The following RALGPS2 variants were observed in gnomAD, a reference collection of about 807,000 sequenced individuals.
RALGPS2 encodes Ral GEF with PH domain and SH3 binding motif 2.
RALGPS2 carries 43 observed loss-of-function variants against 86.8 expected under a neutral mutation model. The ratio of observed to expected loss-of-function variants is 0.50; its 90% CI spans 0.39 to 0.64. RALGPS2 has a LOEUF of 0.64. Among genes scored for constraint, RALGPS2 ranks in the 30% least tolerant of loss-of-function variants. The pLI is 0.00. For synonymous variants in RALGPS2, 243 were observed against 231.3 expected, an observed-to-expected ratio of 1.05 and a Z score of -0.46; for missense variants, 536 against 694.6, an observed-to-expected ratio of 0.77 and a Z score of 2.57.
intron 17 of RALGPS2, among the ~76,000 whole-genome samples, chr1:178,899,415 A>G (rs1183695216): frequency 2.0e-5 from 3 of 151,854 alleles, no homozygotes; most frequent in Non-Finnish European, 4.4e-5. Flanking sequence ...GATAGAGGGT[A>G]TAGAGACAGG....
chr1:178,841,114 A>G (rs1656583231), intron 8 of RALGPS2, among the ~76,000 whole-genome samples: 1 of 152,202 alleles, frequency 6.6e-6, no homozygotes, highest in Admixed American at 6.5e-5. Context: ...TATTCCAATC[A>G]ATAGAAAAAG....
At chr1:178,820,808 TATTA>T (rs1043593465) in intron 6 of RALGPS2, among the ~76,000 whole-genome samples, 3 of 152,192 alleles carry the variant, frequency 2.0e-5, no homozygotes, top group Non-Finnish European at 4.4e-5. Context: ...TGTTTTGTGT[TATTA>T]ATTTATTTTG....
intron 8 of RALGPS2, among the ~76,000 whole-genome samples, chr1:178,876,892 AATTT>A (rs1659029309): frequency 6.6e-6 from 1 of 152,166 alleles, no homozygotes; most frequent in African/African-American, 2.4e-5. Context: ...CCATTTCAGA[AATTT>A]ATTTGTTGAT....
chr1:178,731,323 C>G (rs113995842), intron 1 of RALGPS2, among the ~76,000 whole-genome samples: 3,881 of 125,274 alleles, frequency 0.031, 194 homozygotes, highest in African/African-American at 0.11. Flanking sequence ...TCCTCTGTCC[C>G]CCAGGCTGGA....
intron 1 of RALGPS2, among the ~76,000 whole-genome samples, chr1:178,745,730 A>G (rs568427206): frequency 6.6e-6 from 1 of 152,148 alleles, no homozygotes; most frequent in Non-Finnish European, 1.5e-5. Flanking sequence ...TTTTAGTTAC[A>G]ACACCAAAAG....
intron 8 of RALGPS2, among the ~76,000 whole-genome samples, chr1:178,839,679 A>G (rs890026752): frequency 2.0e-5 from 3 of 152,232 alleles, no homozygotes; most frequent in African/African-American, 4.8e-5. Context: ...CTAAATGTAA[A>G]TGGGCTAAAT....
intron 8 of RALGPS2, among the ~76,000 whole-genome samples, chr1:178,875,222 ACAGGATACC>A (rs1483025319): frequency 2.6e-5 from 4 of 152,208 alleles, no homozygotes; most frequent in African/African-American, 9.7e-5. Context: ...TGCACTGGAG[ACAGGATACC>A]CAGTAATCTT....
At chr1:178,846,004 C>T (rs1406826835) in intron 8 of RALGPS2, among the ~76,000 whole-genome samples, 2 of 152,028 alleles carry the variant, frequency 1.3e-5, no homozygotes, top group Non-Finnish European at 2.9e-5. Context: ...GGTTTTCAGT[C>T]GTTTTTGCAT....
At chr1:178,854,960 A>C (rs1657430065) in intron 8 of RALGPS2, among the ~76,000 whole-genome samples, 1 of 152,132 alleles carries the variant, frequency 6.6e-6, no homozygotes, top group Non-Finnish European at 1.5e-5. Flanking sequence ...AACATGCAAA[A>C]TATATTAATG....
chr1:178,765,736 A>G (rs1652472485), intron 1 of RALGPS2, among the ~76,000 whole-genome samples: 1 of 152,196 alleles, frequency 6.6e-6, no homozygotes, highest in African/African-American at 2.4e-5. Context: ...ACATTCCCAA[A>G]GCGGCCATTT....
At chr1:178,902,634 A>C (rs1572467644) in intron 18 of RALGPS2, among the ~76,000 whole-genome samples, 1 of 151,224 alleles carries the variant, frequency 6.6e-6, no homozygotes, top group South Asian at 2.1e-4. Context: ...TGTTATTCTT[A>C]AGTTCTGAAA....
intron 4 of RALGPS2, among the ~76,000 whole-genome samples, chr1:178,799,382 A>G (rs983643730): frequency 1.3e-5 from 2 of 151,950 alleles, no homozygotes; most frequent in Non-Finnish European, 2.9e-5. Flanking sequence ...GAAAAAAAAA[A>G]TGCCACAAAG....
chr1:178,860,105 T>C (rs186154394), intron 8 of RALGPS2, among the ~76,000 whole-genome samples: 1 of 152,232 alleles, frequency 6.6e-6, no homozygotes, highest in Admixed American at 6.5e-5. Flanking sequence ...CTTTTACACA[T>C]GGTGAAGGAA....
intron 1 of RALGPS2, among the ~76,000 whole-genome samples, chr1:178,739,603 G>T (rs1456057561): frequency 6.6e-6 from 1 of 152,214 alleles, no homozygotes; most frequent in Non-Finnish European, 1.5e-5. Flanking sequence ...CAGTACCTTT[G>T]ATGAGGTGGG....
At chr1:178,908,578 C>T (rs780762625) in intron 19 of RALGPS2, among the ~76,000 whole-genome samples, 10 of 152,120 alleles carry the variant, frequency 6.6e-5, no homozygotes, top group Non-Finnish European at 1.3e-4. Context: ...GCAACCTTGC[C>T]AACATCTGTT....
intron 8 of RALGPS2, among the ~76,000 whole-genome samples, chr1:178,841,001 A>G (rs1047961114): frequency 9.9e-5 from 15 of 152,208 alleles, no homozygotes; most frequent in Admixed American, 7.2e-4. Context: ...AATTGAGGCA[A>G]TAATTAATAG....
intron 5 of RALGPS2, among the ~76,000 whole-genome samples, chr1:178,808,837 C>T (rs1013362232): frequency 6.6e-6 from 1 of 152,072 alleles, no homozygotes; most frequent in African/African-American, 2.4e-5. Flanking sequence ...TAAAGGCAGC[C>T]TGTAGTTAAC....
chr1:178,765,571 T>C (rs1558108841), intron 1 of RALGPS2, among the ~76,000 whole-genome samples: 2 of 152,168 alleles, frequency 1.3e-5, no homozygotes, highest in Non-Finnish European at 2.9e-5. Flanking sequence ...GCACGCATTG[T>C]CATTGATAAC....
rs59684988 is a variant in RALGPS2, at chr1:178,894,713, G to C, written c.1431+689G>C. 8.6e-3 allele frequency among the ~76,000 whole-genome samples: 1,307 copies of C among 152,068 alleles called. 17 individuals carry two copies. The highest frequency in any genetic ancestry group is 0.029 in the African/African-American group (1,210 of 41,514). ...TGTGGGTAACTGAAACCACAGATAA[G>C]AGGGAAAATATTGTACACATTTGTT... On this transcript the variant is annotated intron_variant, in intron 16 of 19. Coordinates refer to ENST00000367635, the MANE Select transcript of RALGPS2 (RefSeq NM_152663.5).
Sources: gnomAD v4.1 joint callset for allele counts (sites outside exome capture counted in the v4.1 genomes callset) on GRCh38, gnomAD v4.1.1 for gene constraint, MANE v1.5 for transcripts, NCBI Gene and HGNC (gene_info 2026-07-23, HGNC 2026-07-21) for gene names.